Variants in F5 observed in about 807,000 individuals in gnomAD.
F5 encodes coagulation factor V, also known as activated protein c cofactor.
Under a neutral mutation model 216.4 loss-of-function variants are expected in F5, and 138 were observed. That is an observed-to-expected ratio of 0.64 (90% CI 0.56 to 0.73). The LOEUF is 0.73. F5 is among the 30% of genes least tolerant of loss of function. The probability of loss-of-function intolerance (pLI) is 0.00; values close to 1 mark genes in which losing one functional copy is unlikely to be tolerated. For synonymous variants in F5, 916 were observed against 930.7 expected, an observed-to-expected ratio of 0.98 and a Z score of 0.29; for missense variants, 2,403 against 2,674.0, an observed-to-expected ratio of 0.90 and a Z score of 2.24.
chr1:169,548,295 CAT>C (rs1186059523), intron 10 of F5, among the ~76,000 whole-genome samples: 1 of 151,968 alleles, frequency 6.6e-6, no homozygotes, highest in Non-Finnish European at 1.5e-5. Flanking sequence ...CTCCATGACA[CAT>C]GTTTACCTAT....
At position 169,552,694 on chromosome 1, in the gene F5, T is replaced by C. The variant is rs1247804060; in HGVS notation, c.1159A>G (p.Ile387Val). 6.2e-7 allele frequency: 1 copy of C among 1,612,674 alleles called. No homozygotes were observed. The highest frequency in any genetic ancestry group is 8.5e-7 in the Non-Finnish European group (1 of 1,179,600). The change falls in exon 8 of 25, where the codon ATT becomes GTT. Residue 387 changes from isoleucine to valine, a missense_variant. Ile to Val is a conservative substitution (Grantham distance 29, BLOSUM62 3). Transcript: ENST00000367797. ...SQHLDNFSNQ[I>V]GKHYKKVMYT... is the part of the protein sequence containing the mutation. ...ATAACTTTCTTATAATGTTTTCCAA[T>C]TTGGTTTGAGAAATTATCCAAATGC...
Position 169,515,609 on chromosome 1 carries a change from C to T in F5, c.6363G>A (p.Gln2121=). The change falls in exon 24 of 25, where the codon CAG becomes CAA. Residue 2121 remains glutamine (Q), a synonymous_variant. Coordinates refer to ENST00000367797, the MANE Select transcript of F5 (RefSeq NM_000130.5). ...TCTTGAGTAGATCAATTTCTAGCCA[C>T]TGCTTATTGTTGTTTGCCTATGAAA... ...AWQAKANNNK[Q]WLEIDLLKIK... 1 of 1,612,904 alleles carries T rather than the reference C, an allele frequency of 6.2e-7. No homozygotes were observed. The highest frequency in any genetic ancestry group is 1.1e-5 in the South Asian group (1 of 91,070).
intron 22 of F5, among the ~76,000 whole-genome samples, chr1:169,520,027 C>T (rs1659257683): frequency 1.3e-5 from 2 of 152,140 alleles, no homozygotes; most frequent in African/African-American, 4.8e-5. Flanking sequence ...ACTTGAGTAC[C>T]TACACAGGGT....
intron 10 of F5, among the ~76,000 whole-genome samples, chr1:169,549,475 T>C (rs1181073659): frequency 6.6e-6 from 1 of 152,146 alleles, no homozygotes; most frequent in Non-Finnish European, 1.5e-5. Flanking sequence ...TTTAGGAGGG[T>C]TATTACCCAT....
At chr1:169,584,146 A>G (rs959326231) in intron 1 of F5, among the ~76,000 whole-genome samples, 3 of 152,190 alleles carry the variant, frequency 2.0e-5, no homozygotes, top group Non-Finnish European at 4.4e-5. Context: ...AATCTTTACT[A>G]AAAAATATCA....
In F5 at chr1:169,523,916, G is replaced by T. The variant is rs752507138; in HGVS notation, c.5789-12C>A. 2.5e-6 allele frequency: 4 copies of T among 1,597,722 alleles called. No homozygotes were observed. The highest frequency in any genetic ancestry group is 2.6e-6 in the Non-Finnish European group (3 of 1,166,110). On this transcript the variant is annotated splice_polypyrimidine_tract_variant and intron_variant, in intron 19 of 24. Coordinates refer to ENST00000367797, the MANE Select transcript of F5 (RefSeq NM_000130.5). ...GGGCTCCCAGTAACCTAAACTCAAGGGAAGAAAAAGATTTATTCTGAATTT... is the reference window on the plus strand; with the variant it reads ...GGGCTCCCAGTAACCTAAACTCAAGTGAAGAAAAAGATTTATTCTGAATTT...
intron 3 of F5, among the ~76,000 whole-genome samples, chr1:169,565,406 G>C (rs538593053): frequency 6.6e-6 from 1 of 152,144 alleles, no homozygotes; most frequent in Non-Finnish European, 1.5e-5. Context: ...CCTTCCATAG[G>C]TACCTAGAGA....
intron 3 of F5, among the ~76,000 whole-genome samples, chr1:169,567,194 C>T (rs1660621094): frequency 6.6e-6 from 1 of 151,658 alleles, no homozygotes; most frequent in South Asian, 2.1e-4. Context: ...TATAAGGGCA[C>T]TAATCTCATC....
chr1:169,571,455 T>C (rs1660720232), intron 3 of F5, among the ~76,000 whole-genome samples: 1 of 152,126 alleles, frequency 6.6e-6, no homozygotes. Flanking sequence ...GAATCAGAAA[T>C]GATAAAGCTA....
intron 2 of F5, among the ~76,000 whole-genome samples, chr1:169,580,678 A>T (rs968744567): frequency 1.3e-5 from 2 of 152,126 alleles, no homozygotes; most frequent in African/African-American, 4.8e-5. Flanking sequence ...GCCTCAATAC[A>T]CAATTATTTA....
chr1:169,545,647 A>G (rs1269316070), intron 11 of F5, among the ~76,000 whole-genome samples: 1 of 152,212 alleles, frequency 6.6e-6, no homozygotes, highest in Non-Finnish European at 1.5e-5. Flanking sequence ...TTCTGTTTGA[A>G]TTATTTGACC....
intron 10 of F5, among the ~76,000 whole-genome samples, chr1:169,547,526 A>G (rs759048806): frequency 1.6e-4 from 24 of 152,258 alleles, no homozygotes; most frequent in Non-Finnish European, 3.4e-4. Context: ...AAAGTAGGCC[A>G]AGGACAGGAA....
At chr1:169,565,100 C>T (rs180793151) in intron 3 of F5, among the ~76,000 whole-genome samples, 3 of 151,996 alleles carry the variant, frequency 2.0e-5, no homozygotes, top group Non-Finnish European at 2.9e-5. Flanking sequence ...TTTGCAGATG[C>T]CATTCCCTCT....
In F5 at chr1:169,541,827, G is replaced by C. The variant is rs749707096; in HGVS notation, c.3263C>G (p.Ser1088Cys). Residue 1088 changes from serine (S) to cysteine (C), a missense_variant, in exon 13 of 25, where the codon TCT (serine) becomes TGT (cysteine). By Grantham distance (112) the Ser-to-Cys change is moderately radical. This residue lies in a region of F5 where 1,425 missense variants were observed against 1,554.8 expected (regional missense o/e 0.92). Transcript: ENST00000367797. ...TGAGGCTATCCAGCCAAAATCCATAGAGGGCAATGTCTGATTGAGGTCTGT... is the reference window on the plus strand; with the variant it reads ...TGAGGCTATCCAGCCAAAATCCATACAGGGCAATGTCTGATTGAGGTCTGT... ...LPTDLNQTLPSMDFGWIASLP... is the reference protein window; with the variant it reads ...LPTDLNQTLPCMDFGWIASLP... 7 of 1,614,112 alleles carry C rather than the reference G, an allele frequency of 4.3e-6. No homozygotes were observed. The South Asian group carries it at 6.6e-5, about 15-fold the overall frequency.
At chr1:169,572,802 G>T (rs1214800789) in intron 2 of F5, among the ~76,000 whole-genome samples, 1 of 152,164 alleles carries the variant, frequency 6.6e-6, no homozygotes, top group Non-Finnish European at 1.5e-5. Flanking sequence ...GAGTAGTCTT[G>T]ATGTATCTAA....
At chr1:169,519,244 A>G (rs1406842131) in intron 22 of F5, among the ~76,000 whole-genome samples, 3 of 152,160 alleles carry the variant, frequency 2.0e-5, no homozygotes, top group Non-Finnish European at 4.4e-5. Context: ...TTTCTCCATG[A>G]AAAAAACAAA....
Position 169,546,531 on chromosome 1 carries a change from T to C in F5, c.1673A>G (p.Tyr558Cys), listed in dbSNP as rs780922091. 2 of 1,614,178 alleles carry C rather than the reference T, an allele frequency of 1.2e-6. No homozygotes were observed. Among genetic ancestry groups the C allele is most frequent in the East Asian group, 4.5e-5 (2 of 44,882 alleles). The change falls in exon 11 of 25, where the codon TAC (tyrosine) becomes TGC (cysteine). Residue 558 changes from tyrosine (Y) to cysteine (C), a missense_variant. Physicochemically the swap from Tyr to Cys is radical, Grantham distance 194 (BLOSUM62 -2). Coordinates refer to ENST00000367797, the MANE Select transcript of F5 (RefSeq NM_000130.5). Reference protein sequence around the residue: ...FAVFDENKSWYLEDNINKFCE... With the variant: ...FAVFDENKSWCLEDNINKFCE... ...AAACTTGTTGATGTTGTCCTCAAGG[T>C]ACCAGCTTTTGTTCTCATCAAACAC...
At chr1:169,526,168 AG>A in intron 17 of F5, 151 bp from the exon 18 acceptor site, 1 of 601,046 alleles carries the variant, frequency 1.7e-6, no homozygotes, top group South Asian at 1.8e-5. Flanking sequence ...AAAGTATAAC[AG>A]ATAAAAACAA....
intron 23 of F5, among the ~76,000 whole-genome samples, chr1:169,516,234 A>G (rs1322256618): frequency 1.3e-5 from 2 of 152,216 alleles, no homozygotes; most frequent in Non-Finnish European, 2.9e-5. Flanking sequence ...AACCATAAGT[A>G]GAGCTTGATA....
Sources: gnomAD v4.1 joint callset for allele counts (sites outside exome capture counted in the v4.1 genomes callset) on GRCh38, gnomAD v4.1.1 for gene constraint, gnomAD v4.1.1 regional missense constraint, MANE v1.5 for transcripts, NCBI Gene and HGNC (gene_info 2026-07-23, HGNC 2026-07-21) for gene names.